The following AGTPBP1 variants were observed in gnomAD, a reference collection of about 807,000 sequenced individuals.
AGTPBP1 encodes cytosolic carboxypeptidase 1.
Under a neutral mutation model 143.9 loss-of-function variants are expected in AGTPBP1, and 70 were observed. The ratio of observed to expected loss-of-function variants is 0.49; its 90% CI spans 0.40 to 0.59. AGTPBP1 has a LOEUF of 0.59. AGTPBP1 is among the 20% of genes least tolerant of loss of function. The pLI, the probability that AGTPBP1 is intolerant of heterozygous loss-of-function variation, is 0.00. For missense variants in AGTPBP1, 1,229 were observed against 1,464.5 expected, an observed-to-expected ratio of 0.84 and a Z score of 2.62; for synonymous variants, 463 against 500.2, an observed-to-expected ratio of 0.93 and a Z score of 0.99.
the AGTPBP1 span, among the ~76,000 whole-genome samples, chr9:85,762,537 T>G: frequency 6.6e-6 from 1 of 150,510 alleles, no homozygotes; most frequent in Non-Finnish European, 1.5e-5. Context: ...ATCCAAACAC[T>G]GCATGTTCTC....
chr9:85,796,576 A>G, the AGTPBP1 span, among the ~76,000 whole-genome samples: 1 of 151,758 alleles, frequency 6.6e-6, no homozygotes, highest in Non-Finnish European at 1.5e-5. Flanking sequence ...TCCTACCTCC[A>G]ATGTGTATTT....
intron 1 of AGTPBP1, among the ~76,000 whole-genome samples, chr9:85,721,540 C>A (rs1838120801): frequency 6.6e-6 from 1 of 150,520 alleles, no homozygotes; most frequent in Non-Finnish European, 1.5e-5. Context: ...TTCCTCCATC[C>A]CTTTATTTTT....
At chr9:85,564,448 A>C (rs1826948092) in intron 25 of AGTPBP1, among the ~76,000 whole-genome samples, 1 of 152,242 alleles carries the variant, frequency 6.6e-6, no homozygotes, top group Non-Finnish European at 1.5e-5. Flanking sequence ...AATCTCACCC[A>C]TATCTGATTT....
chr9:85,751,536 G>A, the AGTPBP1 span, among the ~76,000 whole-genome samples: 120 of 152,184 alleles, frequency 7.9e-4, 1 homozygote, highest in East Asian at 3.7e-3. Context: ...GACTCATGGC[G>A]TCCTTCCTGT....
At chr9:85,732,391 T>A (rs1480254557) in intron 1 of AGTPBP1, among the ~76,000 whole-genome samples, 1 of 151,998 alleles carries the variant, frequency 6.6e-6, no homozygotes, top group Non-Finnish European at 1.5e-5. Context: ...ATTTTTTGTA[T>A]TTTTAGTAGA....
At chr9:85,579,573 C>T (rs1828111063) in intron 23 of AGTPBP1, among the ~76,000 whole-genome samples, 1 of 141,870 alleles carries the variant, frequency 7.0e-6, no homozygotes, top group African/African-American at 2.9e-5. Flanking sequence ...GAAGTATACC[C>T]TGAGAAATTG....
rs574723291 is a variant in AGTPBP1, at chr9:85,707,675, A to G, written c.32+4827T>C. Among the ~76,000 whole-genome samples, 118 of 152,372 alleles carry G rather than the reference A, an allele frequency of 7.7e-4. 2 individuals are homozygous for G. Among genetic ancestry groups the G allele is most frequent in the Non-Finnish European group, 1.6e-3 (106 of 68,038 alleles). The stretch of plus-strand genomic sequence containing the variant: ...ATTAGCTTCCTAACATTTTCACAGG[A>G]AAGTATTTGTTTCCTACTGCTGCTG... On this transcript the variant is annotated intron_variant, in intron 2 of 25. Transcript: ENST00000357081.
intron 11 of AGTPBP1, among the ~76,000 whole-genome samples, chr9:85,649,010 G>A (rs1056234829): frequency 6.6e-6 from 1 of 152,296 alleles, no homozygotes; most frequent in African/African-American, 2.4e-5. Context: ...TGTAGCTTAA[G>A]AGCGTCTGAG....
chr9:85,659,727 T>G (rs996092407), intron 9 of AGTPBP1, among the ~76,000 whole-genome samples: 3 of 152,176 alleles, frequency 2.0e-5, no homozygotes, highest in African/African-American at 7.2e-5. Flanking sequence ...ATTAGTAAGC[T>G]TTAATAAAAG....
At chr9:85,633,416 T>C (rs767985333) in intron 13 of AGTPBP1, 42 bp from the exon 14 acceptor site, 3 of 1,389,266 alleles carry the variant, frequency 2.2e-6, no homozygotes, top group Non-Finnish European at 2.9e-6. Flanking sequence ...ACTGTAAATA[T>C]TAAAACATAT....
intron 3 of AGTPBP1, among the ~76,000 whole-genome samples, chr9:85,681,810 C>T (rs183690026): frequency 2.0e-3 from 270 of 137,110 alleles, no homozygotes; most frequent in Admixed American, 3.0e-3. Flanking sequence ...AGTGCAACGG[C>T]GCAATCTCCG....
chr9:85,595,830 A>G, intron 18 of AGTPBP1, among the ~76,000 whole-genome samples: 1 of 152,206 alleles, frequency 6.6e-6, no homozygotes, highest in Non-Finnish European at 1.5e-5. Context: ...CCCAGCCTCT[A>G]GCACTTATTT....
chr9:85,729,748 T>G (rs185973709), intron 1 of AGTPBP1, among the ~76,000 whole-genome samples: 1 of 151,210 alleles, frequency 6.6e-6, no homozygotes, highest in East Asian at 1.9e-4. Context: ...TTCCAAAGAA[T>G]ATATTAAAAT....
chr9:85,775,158 G>A, the AGTPBP1 span, among the ~76,000 whole-genome samples: 4 of 152,072 alleles, frequency 2.6e-5, no homozygotes, highest in Non-Finnish European at 5.9e-5. Flanking sequence ...CAAAAAACTA[G>A]CCAAGCGTGG....
At chr9:85,708,196 T>A (rs1837139308) in intron 2 of AGTPBP1, among the ~76,000 whole-genome samples, 1 of 152,166 alleles carries the variant, frequency 6.6e-6, no homozygotes, top group Non-Finnish European at 1.5e-5. Context: ...CTTTTTTACA[T>A]CACCCTAACC....
intron 2 of AGTPBP1, among the ~76,000 whole-genome samples, chr9:85,702,535 T>C (rs746459402): frequency 2.0e-5 from 3 of 152,190 alleles, no homozygotes; most frequent in Non-Finnish European, 4.4e-5. Context: ...TTCTGTTTTA[T>C]GATCTTCACA....
chr9:85,581,981 A>C (rs1260285117), intron 23 of AGTPBP1, among the ~76,000 whole-genome samples: 1 of 152,252 alleles, frequency 6.6e-6, no homozygotes, highest in Non-Finnish European at 1.5e-5. Flanking sequence ...AAAATCTGAT[A>C]TCTAAAACAC....
chr9:85,728,064 CACACACACACACAT>C (rs1386449220), intron 1 of AGTPBP1, among the ~76,000 whole-genome samples: 8 of 148,818 alleles, frequency 5.4e-5, no homozygotes, highest in Admixed American at 1.3e-4. Context: ...CACACACACA[CACACACACACACAT>C]ATTTACTTCA....
At chr9:85,662,506 T>G (rs986735301) in intron 8 of AGTPBP1, among the ~76,000 whole-genome samples, 23 of 152,168 alleles carry the variant, frequency 1.5e-4, no homozygotes, top group African/African-American at 5.5e-4. Flanking sequence ...AGAATAAGGA[T>G]AGCTTTTAAA....
Sources: gnomAD v4.1 joint callset for allele counts (sites outside exome capture counted in the v4.1 genomes callset) on GRCh38, gnomAD v4.1.1 for gene constraint, MANE v1.5 for transcripts, NCBI Gene and HGNC (gene_info 2026-07-23, HGNC 2026-07-21) for gene names.